Variants in BCAT1 observed in about 807,000 individuals in gnomAD.
BCAT1 encodes branched-chain-amino-acid aminotransferase, cytosolic.
A neutral mutation model predicts 52.4 loss-of-function variants in BCAT1; 48 were observed. The observed-to-expected ratio is 0.92, with a 90% CI of 0.73 to 1.16. BCAT1 has a LOEUF of 1.16. BCAT1 is among the 50% of genes most tolerant of loss of function. BCAT1 has a pLI of 0.00. For synonymous variants in BCAT1, 167 were observed against 161.3 expected (o/e 1.04, Z -0.27); for missense variants, 451 against 457.1 (o/e 0.99, Z 0.12).
chr12:24,900,610 A>T (rs1485119969), intron 2 of BCAT1, among the ~76,000 whole-genome samples: 2 of 152,146 alleles, frequency 1.3e-5, no homozygotes, highest in African/African-American at 2.4e-5. Context: ...AAGAAAGGAA[A>T]AGATTATTTA....
intron 1 of BCAT1, among the ~76,000 whole-genome samples, chr12:24,943,991 GA>G (rs147669546): frequency 3.5e-4 from 49 of 139,694 alleles, no homozygotes; most frequent in Admixed American, 5.7e-4. Flanking sequence ...CTCAACAAAA[GA>G]AAAAAAAAAA....
At chr12:24,932,206 T>C (rs1943685428) in intron 1 of BCAT1, among the ~76,000 whole-genome samples, 1 of 152,148 alleles carries the variant, frequency 6.6e-6, no homozygotes. Flanking sequence ...AAAAATGGAA[T>C]TCCATCTACT....
At chr12:24,834,880 T>G (rs1237569815) in intron 8 of BCAT1, 4 of 811,868 alleles carry the variant, frequency 4.9e-6, no homozygotes, top group Non-Finnish European at 6.1e-6. Flanking sequence ...CCCTTACTTA[T>G]CTTTGGACAA....
intron 5 of BCAT1, among the ~76,000 whole-genome samples, chr12:24,863,435 G>A (rs745859342): frequency 6.6e-6 from 1 of 152,180 alleles, no homozygotes; most frequent in Non-Finnish European, 1.5e-5. Context: ...CAGAACTTCA[G>A]TCAACACTCA....
intron 2 of BCAT1, among the ~76,000 whole-genome samples, chr12:24,899,124 G>C (rs1238203487): frequency 6.6e-6 from 1 of 152,150 alleles, no homozygotes; most frequent in Non-Finnish European, 1.5e-5. Context: ...CAAATGAAGA[G>C]GATCCTAGAG....
intron 1 of BCAT1, among the ~76,000 whole-genome samples, chr12:24,919,463 G>A (rs757217317): frequency 6.6e-6 from 1 of 152,128 alleles, no homozygotes; most frequent in Non-Finnish European, 1.5e-5. Context: ...GATAAAGCTT[G>A]GGTAAACCAC....
At chr12:24,890,785 CTCT>C (rs1395593772) in intron 3 of BCAT1, among the ~76,000 whole-genome samples, 1 of 152,202 alleles carries the variant, frequency 6.6e-6, no homozygotes, top group African/African-American at 2.4e-5. Context: ...CTCGGAGCTC[CTCT>C]GTCTACGGAG....
chr12:24,835,229 G>A (rs1940866554), intron 8 of BCAT1, among the ~76,000 whole-genome samples: 1 of 152,198 alleles, frequency 6.6e-6, no homozygotes, highest in South Asian at 2.1e-4. Context: ...CAATGCGCCA[G>A]CCAGCATGTA....
chr12:24,887,536 T>A (rs1325386345), intron 3 of BCAT1, among the ~76,000 whole-genome samples: 1 of 152,150 alleles, frequency 6.6e-6, no homozygotes, highest in African/African-American at 2.4e-5. Context: ...CAAAGAAAGG[T>A]TATCACAAAA....
chr12:24,898,287 C>G (rs1173861811), intron 2 of BCAT1, among the ~76,000 whole-genome samples: 1 of 152,130 alleles, frequency 6.6e-6, no homozygotes, highest in Non-Finnish European at 1.5e-5. Context: ...TCCCTGATGA[C>G]ATCGAAGTCA....
At chr12:24,900,792 G>C (rs535427372) in intron 2 of BCAT1, among the ~76,000 whole-genome samples, 1 of 152,220 alleles carries the variant, frequency 6.6e-6, no homozygotes, top group South Asian at 2.1e-4. Context: ...TTAGCTGGGC[G>C]TGATGGCACA....
At chr12:24,879,105 AAT>A (rs1218605206) in intron 4 of BCAT1, among the ~76,000 whole-genome samples, 2 of 152,198 alleles carry the variant, frequency 1.3e-5, no homozygotes, top group Non-Finnish European at 2.9e-5. Context: ...AAAAGTACAA[AAT>A]ATCTCTGTGA....
chr12:24,902,062 G>A, intron 1 of BCAT1, 177 bp from the exon 2 acceptor site: 3 of 1,529,942 alleles, frequency 2.0e-6, no homozygotes, highest in Non-Finnish European at 1.7e-6. Context: ...GCGTGTCTTG[G>A]GAGCGCTGCC....
chr12:24,908,139 G>A (rs1270039523), intron 1 of BCAT1, among the ~76,000 whole-genome samples: 1 of 152,144 alleles, frequency 6.6e-6, no homozygotes, highest in Admixed American at 6.5e-5. Context: ...CTAGATATGA[G>A]CTTCTTTTCT....
In BCAT1 at chr12:24,818,158, T is replaced by A. The variant is rs1598088069; in HGVS notation, c.1120-109A>T. 3 of 1,043,488 alleles carry A rather than the reference T, an allele frequency of 2.9e-6. No individual in the cohort carries two copies. In the East Asian group the frequency reaches 7.4e-5, roughly 26 times the overall value. 64.6% of individuals were successfully genotyped at this position (1,043,488 alleles called of 1,614,324 possible). On this transcript the variant is annotated intron_variant, in intron 10 of 10. Coordinates refer to ENST00000261192, the MANE Select transcript of BCAT1 (RefSeq NM_005504.7). ...GTTACACAAAAGGTTCGCTTCTGCT[T>A]TGAACAACATTTTCACATTAAACAT...
upstream of BCAT1, chr12:24,949,121 G>A (rs1008281937): frequency 1.3e-5 from 8 of 595,716 alleles, no homozygotes; most frequent in South Asian, 2.1e-5. Flanking sequence ...CTCTCGCGGC[G>A]GAGACTCGCG....
At chr12:24,902,600 G>T (rs1478718825) in intron 1 of BCAT1, 1 of 435,466 alleles carries the variant, frequency 2.3e-6, no homozygotes, top group Non-Finnish European at 3.8e-6. Flanking sequence ...ATGTGGCTGT[G>T]GGTTCTGGCA....
At chr12:24,836,637 A>T (rs972369757) in intron 7 of BCAT1, 41 bp from the exon 8 acceptor site, 1 of 1,493,136 alleles carries the variant, frequency 6.7e-7, no homozygotes, top group Non-Finnish European at 9.3e-7. Context: ...CTTTCACTAC[A>T]TTAGGCATGC....
intron 7 of BCAT1, among the ~76,000 whole-genome samples, chr12:24,840,616 C>T (rs942681365): frequency 2.0e-5 from 3 of 152,188 alleles, no homozygotes; most frequent in African/African-American, 7.2e-5. Context: ...GGCTTACTCA[C>T]CATATCTTCT....
Sources: allele counts gnomAD v4.1 joint callset (sites outside exome capture counted in the v4.1 genomes callset), GRCh38; gene constraint gnomAD v4.1.1; transcripts MANE v1.5; gene names NCBI Gene and HGNC (gene_info 2026-07-23, HGNC 2026-07-21).